The following TNR variants were observed in gnomAD, a reference collection of about 807,000 sequenced individuals.
TNR encodes the protein tenascin-R.
In TNR, 45 loss-of-function variants were observed where a neutral mutation model predicts 150.4. The observed-to-expected ratio is 0.30, with a 90% confidence interval of 0.24 to 0.38. TNR has a LOEUF of 0.38. TNR is among the 10% of genes least tolerant of loss of function. The pLI is 1.00. For missense variants in TNR, 1,544 were observed against 1,759.1 expected, an observed-to-expected ratio of 0.88 and a Z score of 2.19; for synonymous variants, 687 against 678.4, an observed-to-expected ratio of 1.01 and a Z score of -0.20.
At chr1:175,531,313 T>C (rs1445310327) in intron 1 of TNR, among the ~76,000 whole-genome samples, 1 of 152,164 alleles carries the variant, frequency 6.6e-6, no homozygotes, top group African/African-American at 2.4e-5. Flanking sequence ...TCCACTTAAT[T>C]TGATGAACAA....
chr1:175,647,028 A>G (rs1664829791), intron 1 of TNR, among the ~76,000 whole-genome samples: 1 of 152,250 alleles, frequency 6.6e-6, no homozygotes, highest in Non-Finnish European at 1.5e-5. Context: ...AGGCACCAGC[A>G]GAGGCCAGCC....
intron 1 of TNR, among the ~76,000 whole-genome samples, chr1:175,563,033 A>T (rs890886673): frequency 1.3e-5 from 2 of 152,234 alleles, no homozygotes; most frequent in African/African-American, 2.4e-5. Context: ...CCCCATGCAG[A>T]GTCAGCCAAG....
intron 18 of TNR, among the ~76,000 whole-genome samples, chr1:175,352,617 G>A (rs1651108460): frequency 6.6e-6 from 1 of 152,124 alleles, no homozygotes; most frequent in South Asian, 2.1e-4. Flanking sequence ...ATTGACTCCA[G>A]CCCCATAAAA....
At chr1:175,323,519 T>C in intron 22 of TNR, 43 bp from the exon 23 acceptor site, 1 of 1,602,862 alleles carries the variant, frequency 6.2e-7, no homozygotes, top group Admixed American at 1.7e-5. Flanking sequence ...TCCCCCACCA[T>C]GGAACGCCCC....
At chr1:175,701,298 C>A (rs1329765213) in intron 1 of TNR, among the ~76,000 whole-genome samples, 1 of 152,190 alleles carries the variant, frequency 6.6e-6, no homozygotes, top group African/African-American at 2.4e-5. Flanking sequence ...ATGGATCTCA[C>A]AGATCCACTT....
At chr1:175,700,988 T>C (rs570751170) in intron 1 of TNR, among the ~76,000 whole-genome samples, 1 of 152,338 alleles carries the variant, frequency 6.6e-6, no homozygotes, top group South Asian at 2.1e-4. Context: ...GTTTGTACTT[T>C]CACCACAAAC....
At chr1:175,544,425 G>C (rs1338774519) in intron 1 of TNR, among the ~76,000 whole-genome samples, 1 of 152,190 alleles carries the variant, frequency 6.6e-6, no homozygotes. Flanking sequence ...GAACAATTAA[G>C]CCTTCTCAGG....
At chr1:175,569,759 C>G (rs1396863863) in intron 1 of TNR, among the ~76,000 whole-genome samples, 1 of 152,226 alleles carries the variant, frequency 6.6e-6, no homozygotes, top group Non-Finnish European at 1.5e-5. Context: ...AAGAGCTTTA[C>G]ACTTTGCTAA....
intron 1 of TNR, among the ~76,000 whole-genome samples, chr1:175,617,922 G>A (rs1322079509): frequency 6.6e-6 from 1 of 152,152 alleles, no homozygotes; most frequent in African/African-American, 2.4e-5. Context: ...TTTAGTTCTT[G>A]ACCAAGATCA....
intron 9 of TNR, among the ~76,000 whole-genome samples, chr1:175,373,118 G>T (rs865884174): frequency 6.6e-6 from 1 of 152,164 alleles, no homozygotes. Context: ...GTGGTGGGGA[G>T]TGTTGGGGAG....
At chr1:175,525,893 G>A (rs1156327478) in intron 2 of TNR, among the ~76,000 whole-genome samples, 1 of 152,142 alleles carries the variant, frequency 6.6e-6, no homozygotes, top group Admixed American at 6.5e-5. Context: ...TTAATTCTGG[G>A]GGTAGCCAGG....
intron 1 of TNR, among the ~76,000 whole-genome samples, chr1:175,533,161 G>A (rs1388204644): frequency 6.6e-6 from 1 of 152,140 alleles, no homozygotes; most frequent in African/African-American, 2.4e-5. Flanking sequence ...GTAACATTTG[G>A]CTCAAATCCT....
chr1:175,435,550 T>G (rs34725056), intron 2 of TNR, among the ~76,000 whole-genome samples: 13,096 of 152,228 alleles, frequency 0.086, 1,276 homozygotes, highest in African/African-American at 0.24. Flanking sequence ...GAATCTGGAA[T>G]TCAAGGGAGA....
At chr1:175,444,951 G>A (rs1257881544) in intron 2 of TNR, among the ~76,000 whole-genome samples, 1 of 152,200 alleles carries the variant, frequency 6.6e-6, no homozygotes, top group Non-Finnish European at 1.5e-5. Flanking sequence ...TTGAAGATTA[G>A]CATGGCAGAG....
intron 1 of TNR, among the ~76,000 whole-genome samples, chr1:175,609,867 T>C (rs2101854114): frequency 6.6e-6 from 1 of 152,304 alleles, no homozygotes; most frequent in South Asian, 2.1e-4. Flanking sequence ...ATTTAGATGA[T>C]CTTATAAAAA....
chr1:175,498,445 C>G (rs866579760), intron 2 of TNR, among the ~76,000 whole-genome samples: 2 of 152,178 alleles, frequency 1.3e-5, no homozygotes, highest in African/African-American at 2.4e-5. Context: ...GAGAAAGAAG[C>G]CTTAGCCCCT....
At chr1:175,560,426 G>C (rs975998083) in intron 1 of TNR, among the ~76,000 whole-genome samples, 1 of 152,242 alleles carries the variant, frequency 6.6e-6, no homozygotes, top group African/African-American at 2.4e-5. Context: ...CCATGATGTA[G>C]CTCTCAATTT....
chr1:175,683,135 G>C (rs900669873), intron 1 of TNR, among the ~76,000 whole-genome samples: 4 of 151,968 alleles, frequency 2.6e-5, no homozygotes, highest in Non-Finnish European at 5.9e-5. Flanking sequence ...TTGTGCACTG[G>C]TCAAAAGATC....
intron 10 of TNR, among the ~76,000 whole-genome samples, chr1:175,366,777 G>T (rs532374761): frequency 3.0e-4 from 46 of 152,346 alleles, no homozygotes; most frequent in Middle Eastern, 3.4e-3. Context: ...CTTTTCTTCT[G>T]CCCTCAGATT....
Sources: allele counts gnomAD v4.1 joint callset (sites outside exome capture counted in the v4.1 genomes callset), GRCh38; gene constraint gnomAD v4.1.1; transcripts MANE v1.5; gene names NCBI Gene and HGNC (gene_info 2026-07-23, HGNC 2026-07-21).